DCAKD: variants seen among roughly 807,000 people sequenced by gnomAD.
DCAKD encodes the protein dephospho-CoA kinase domain-containing protein.
In DCAKD, 15 loss-of-function variants were observed where a neutral mutation model predicts 18.7. The observed-to-expected ratio is 0.80, with a 90% CI of 0.54 to 1.24. DCAKD has a LOEUF of 1.24. DCAKD is among the 50% of genes most tolerant of loss of function. The pLI, the probability that DCAKD is intolerant of heterozygous loss-of-function variation, is 0.00. For missense variants in DCAKD, 301 were observed against 322.0 expected (o/e 0.93, Z 0.50); for synonymous variants, 130 against 133.0 (o/e 0.98, Z 0.16).
intron 4 of DCAKD, among the ~76,000 whole-genome samples, chr17:45,029,416 C>T (rs2053128367): frequency 6.6e-6 from 1 of 152,252 alleles, no homozygotes; most frequent in South Asian, 2.1e-4. Flanking sequence ...GTCTGCTGTA[C>T]TTGTGGGTGG....
chr17:45,044,595 G>T (rs2053520373), intron 1 of DCAKD, among the ~76,000 whole-genome samples: 1 of 152,116 alleles, frequency 6.6e-6, no homozygotes, highest in African/African-American at 2.4e-5. Context: ...AGGAGGCTGA[G>T]GCAGGACAAT....
intron 1 of DCAKD, among the ~76,000 whole-genome samples, chr17:45,037,669 T>C (rs1226908832): frequency 6.6e-6 from 1 of 151,840 alleles, no homozygotes; most frequent in Non-Finnish European, 1.5e-5. Flanking sequence ...AGGTTGGCCA[T>C]GGCTGGTCTC....
At chr17:45,053,517 G>T (rs1173721379), upstream of DCAKD, among the ~76,000 whole-genome samples, 2 of 152,078 alleles carry the variant, frequency 1.3e-5, no homozygotes, top group African/African-American at 4.8e-5. Flanking sequence ...TACCTCCCGG[G>T]TTCAAGCGAT....
intron 1 of DCAKD, among the ~76,000 whole-genome samples, chr17:45,040,370 A>G (rs1166073002): frequency 6.7e-6 from 1 of 148,242 alleles, no homozygotes; most frequent in Non-Finnish European, 1.5e-5. Context: ...CTGGGCAACA[A>G]GAGCAAGACT....
chr17:45,029,568 A>T (rs1597943977), intron 4 of DCAKD, among the ~76,000 whole-genome samples: 1 of 152,088 alleles, frequency 6.6e-6, no homozygotes, highest in East Asian at 1.9e-4. Flanking sequence ...TGTCCTGGGG[A>T]ATTCTGAGAA....
Position 45,024,440 on chromosome 17 carries a change from T to A in DCAKD, c.689A>T (p.Tyr230Phe). 6.2e-7 allele frequency: 1 copy of A among 1,601,676 alleles called. No individual in the cohort carries two copies. The highest frequency in any genetic ancestry group is 8.5e-7 in the Non-Finnish European group (1 of 1,169,958). Residue 230 changes from tyrosine (Y) to phenylalanine (F), a missense_variant, in exon 5 of 5, where the codon TAC (tyrosine) becomes TTC (phenylalanine). Tyr to Phe is a conservative substitution (Grantham distance 22, BLOSUM62 3). Coordinates refer to ENST00000651974, the MANE Select transcript of DCAKD (RefSeq NM_001288655.2). Reference sequence around the variant, plus strand: ...CCTGCCTTGAGTGCCCCACTAGGCGTAAGGCAGAAGGTAGTGGGTGAGCAG... The same window carrying A: ...CCTGCCTTGAGTGCCCCACTAGGCGAAAGGCAGAAGGTAGTGGGTGAGCAG... ...LYLLTHYLLP[Y>F]A
chr17:45,024,775 A>G, intron 4 of DCAKD, 51 bp from the exon 5 acceptor site: 1 of 1,514,860 alleles, frequency 6.6e-7, no homozygotes, highest in Non-Finnish European at 8.8e-7. Flanking sequence ...TCTCACCCCA[A>G]GTTACAGGGA....
At chr17:45,035,194 A>C (rs1048714559) in intron 1 of DCAKD, 195 bp from the exon 2 acceptor site, 21 of 313,994 alleles carry the variant, frequency 6.7e-5, no homozygotes, top group Admixed American at 1.8e-4. Context: ...AAAGAAGGCA[A>C]ATGTGGCCAG....
At position 45,049,713 on chromosome 17, in the gene DCAKD, CTTTTTTTTTTTTTTT is replaced by C. The variant is rs57106886; in HGVS notation, c.-115+1633_-115+1647del. 3.1e-4 allele frequency among the ~76,000 whole-genome samples: 35 copies of C among 111,888 alleles called. 1 individual carries two copies. The South Asian group carries it at 1.0e-2, about 32-fold the overall frequency. The allele number at this position is 111,888 out of a possible 152,430, so 73.4% of individuals were successfully genotyped here. ...AGCAGGTAATTTTCTTTTTCTTTTCCTTTTTTTTTTTTTTTTTTTTTTTGAAACAGAGTCTTGCTC... is the reference window on the plus strand; with the variant it reads ...AGCAGGTAATTTTCTTTTTCTTTTCCTTTTTTTTGAAACAGAGTCTTGCTC... On this transcript the variant is annotated intron_variant, in intron 1 of 4. Transcript: ENST00000651974.
intron 1 of DCAKD, among the ~76,000 whole-genome samples, chr17:45,058,419 CCTA>C (rs2143422607): frequency 6.6e-6 from 1 of 151,880 alleles, no homozygotes; most frequent in East Asian, 1.9e-4. Flanking sequence ...CCACGCCCAG[CCTA>C]CTTTTTATTT....
intron 4 of DCAKD, among the ~76,000 whole-genome samples, chr17:45,025,927 T>A (rs1160496296): frequency 9.6e-6 from 1 of 103,786 alleles, no homozygotes; most frequent in African/African-American, 3.0e-5. Context: ...AATTTTTGTA[T>A]TTTTTTTTTT....
chr17:45,046,173 C>T (rs1163432183), intron 1 of DCAKD, among the ~76,000 whole-genome samples: 1 of 152,142 alleles, frequency 6.6e-6, no homozygotes, highest in African/African-American at 2.4e-5. Context: ...TTCCACATTA[C>T]TTCCCACCTC....
In DCAKD at chr17:45,024,727, AAGGAT is replaced by A; in HGVS notation, c.405-8_405-4del. The A allele has an allele frequency of 1.3e-6, 2 of 1,565,794 alleles. No homozygotes were observed. The highest frequency in any genetic ancestry group is 1.7e-6 in the Non-Finnish European group (2 of 1,152,128). On this transcript the variant is annotated splice_region_variant and splice_polypyrimidine_tract_variant and intron_variant, in intron 4 of 4. Coordinates refer to ENST00000651974, the MANE Select transcript of DCAKD (RefSeq NM_001288655.2). Reference sequence around the variant, plus strand: ...GTGCCAGCTGTGTGTCCCGGTCGCTAAGGATAGGGCAAAAGGGCACTGTAGGTCCT... The same window carrying A: ...GTGCCAGCTGTGTGTCCCGGTCGCTAAGGGCAAAAGGGCACTGTAGGTCCT...
In DCAKD at chr17:45,034,284, G is replaced by C; in HGVS notation, c.219C>G (p.Ile73Met). 1 of 1,614,218 alleles carries C rather than the reference G, an allele frequency of 6.2e-7. No homozygotes were observed. The highest frequency in any genetic ancestry group is 8.5e-7 in the Non-Finnish European group (1 of 1,180,040). The change falls in exon 3 of 5, where the codon ATC (isoleucine) becomes ATG (methionine). Residue 73 changes from isoleucine to methionine, a missense_variant. Physicochemically the swap from Ile to Met is conservative, Grantham distance 10. Coordinates refer to ENST00000651974, the MANE Select transcript of DCAKD (RefSeq NM_001288655.2). ...GCTGCCGCCGGTCAGGCTGGTTAAA[G>C]ATCAGGTCCCCCAGGACCTTGCGAT... ...DINRKVLGDL[I>M]FNQPDRRQLL...
At chr17:45,050,670 G>A (rs555954842) in intron 1 of DCAKD, among the ~76,000 whole-genome samples, 52 of 146,622 alleles carry the variant, frequency 3.5e-4, no homozygotes, top group African/African-American at 1.2e-3. Context: ...CAGGTAAAAT[G>A]AGCACTCTCC....
At chr17:45,026,932 C>A in intron 4 of DCAKD, 2 of 464,278 alleles carry the variant, frequency 4.3e-6, no homozygotes, top group Non-Finnish European at 5.7e-6. Context: ...GGGGCAGCAC[C>A]TCCGACAGCC....
At chr17:45,046,615 C>CAA (rs746591313) in intron 1 of DCAKD, among the ~76,000 whole-genome samples, 658 of 47,540 alleles carry the variant, frequency 0.014, 8 homozygotes, top group Middle Eastern at 0.02. Context: ...GATTCCATCT[C>CAA]AAAAAAAAAA....
At chr17:45,052,479 C>T (rs1233274147), upstream of DCAKD, among the ~76,000 whole-genome samples, 1 of 152,132 alleles carries the variant, frequency 6.6e-6, no homozygotes, top group African/African-American at 2.4e-5. Context: ...ATTGCAGAGC[C>T]CGCATCCTGT....
rs141513888 is a variant in DCAKD, at chr17:45,048,647, A to G, written c.-115+2714T>C. Among the ~76,000 whole-genome samples the G allele has an allele frequency of 1.4e-3, 215 of 151,160 alleles. 3 individuals carry two copies. Among genetic ancestry groups the G allele is most frequent in the African/African-American group, 5.2e-3 (212 of 41,086 alleles). ...GCGAGACTCCATCTCAAAGAAAAAC[A>G]AAACAAAAATTAGCCAGGCGTGGTG... On this transcript the variant is annotated intron_variant, in intron 1 of 4. Coordinates refer to ENST00000651974, the MANE Select transcript of DCAKD (RefSeq NM_001288655.2).
Sources: allele counts gnomAD v4.1 joint callset (sites outside exome capture counted in the v4.1 genomes callset), GRCh38; gene constraint gnomAD v4.1.1; transcripts MANE v1.5; gene names NCBI Gene and HGNC (gene_info 2026-07-23, HGNC 2026-07-21).